Variants in CTNNA2 observed in about 807,000 individuals in gnomAD.
The protein encoded by CTNNA2 is catenin alpha 2, also known as catenin alpha-2.
CTNNA2 carries 42 observed loss-of-function variants against 101.0 expected under a neutral mutation model. The observed-to-expected ratio is 0.42, with a 90% CI of 0.32 to 0.54. The LOEUF (loss-of-function observed/expected upper bound fraction) is 0.54. Among genes scored for constraint, CTNNA2 ranks in the 20% least tolerant of loss-of-function variants. The probability of loss-of-function intolerance (pLI) is 0.14; values close to 1 mark genes in which losing one functional copy is unlikely to be tolerated. For synonymous variants in CTNNA2, 450 were observed against 456.4 expected, an observed-to-expected ratio of 0.99 and a Z score of 0.18; for missense variants, 871 against 1,223.1, an observed-to-expected ratio of 0.71 and a Z score of 4.29.
Position 80,322,303 on chromosome 2 carries a change from C to A in CTNNA2, c.1057-70908C>A, listed in dbSNP as rs532799975. ...GGTAATACAGTGTCTTCCCTAAGCCCCTCATTTTATGTAGCGTGAAAACAG... is the reference window on the plus strand; with the variant it reads ...GGTAATACAGTGTCTTCCCTAAGCCACTCATTTTATGTAGCGTGAAAACAG... On this transcript the variant is annotated intron_variant, in intron 7 of 18. Transcript: ENST00000402739. 2.6e-5 allele frequency among the ~76,000 whole-genome samples: 4 copies of A among 152,126 alleles called. No homozygotes were observed. The East Asian group carries it at 7.7e-4, about 29-fold the overall frequency.
chr2:79,883,547 C>G (rs1003876027), intron 6 of CTNNA2, among the ~76,000 whole-genome samples: 2 of 152,054 alleles, frequency 1.3e-5, no homozygotes, highest in African/African-American at 4.8e-5. Context: ...CAATTTTAAT[C>G]TAGTAAAACT....
chr2:79,739,745 C>T (rs1319215458), intron 2 of CTNNA2, among the ~76,000 whole-genome samples: 2 of 152,172 alleles, frequency 1.3e-5, no homozygotes, highest in Non-Finnish European at 2.9e-5. Flanking sequence ...GCACAGATAC[C>T]TGCAATTCCA....
intron 2 of CTNNA2, among the ~76,000 whole-genome samples, chr2:79,199,526 C>CTT (rs1055100907): frequency 6.6e-6 from 1 of 151,650 alleles, no homozygotes; most frequent in Non-Finnish European, 1.5e-5. Context: ...TTTTTTGGTT[C>CTT]TTTTCTCCCT....
chr2:80,275,430 G>C (rs1673825648), intron 7 of CTNNA2, among the ~76,000 whole-genome samples: 1 of 152,126 alleles, frequency 6.6e-6, no homozygotes, highest in Admixed American at 6.5e-5. Context: ...ATTTTAGTGA[G>C]AGGAAAAATG....
chr2:79,195,023 A>G (rs1372363123), intron 1 of CTNNA2, among the ~76,000 whole-genome samples: 1 of 152,182 alleles, frequency 6.6e-6, no homozygotes, highest in Non-Finnish European at 1.5e-5. Flanking sequence ...AATTGCCACC[A>G]CTGAGAAGGA....
chr2:79,798,601 G>A (rs1336248395), intron 3 of CTNNA2, among the ~76,000 whole-genome samples: 3 of 127,540 alleles, frequency 2.4e-5, no homozygotes, highest in African/African-American at 9.2e-5. Context: ...ACTCATTCTT[G>A]AAAGAATAGC....
chr2:79,422,958 C>T (rs1678554424), intron 4 of CTNNA2, among the ~76,000 whole-genome samples: 1 of 152,140 alleles, frequency 6.6e-6, no homozygotes, highest in South Asian at 2.1e-4. Flanking sequence ...TTCTCATAGA[C>T]TTCCAAGGTT....
chr2:80,245,914 C>T (rs1671296372), intron 7 of CTNNA2, among the ~76,000 whole-genome samples: 1 of 150,200 alleles, frequency 6.7e-6, no homozygotes. Context: ...CCTGCCTCAG[C>T]CTTCCGAGTA....
At chr2:80,578,304 A>G (rs1397803445) in intron 13 of CTNNA2, among the ~76,000 whole-genome samples, 1 of 152,160 alleles carries the variant, frequency 6.6e-6, no homozygotes, top group African/African-American at 2.4e-5. Flanking sequence ...AGCCTTCCCA[A>G]AGAGCACATA....
intron 9 of CTNNA2, among the ~76,000 whole-genome samples, chr2:80,522,491 T>C (rs1226655019): frequency 2.6e-5 from 4 of 152,310 alleles, no homozygotes; most frequent in Admixed American, 2.6e-4. Flanking sequence ...CGGTTGGAGA[T>C]ATCTTGCTGT....
chr2:80,597,783 C>T (rs1455120903), intron 15 of CTNNA2, among the ~76,000 whole-genome samples: 2 of 152,148 alleles, frequency 1.3e-5, no homozygotes, highest in Admixed American at 1.3e-4. Context: ...CATCTCATGC[C>T]AGTCAGAATG....
intron 7 of CTNNA2, among the ~76,000 whole-genome samples, chr2:79,942,536 AG>A (rs1688228715): frequency 6.6e-6 from 1 of 152,206 alleles, no homozygotes; most frequent in South Asian, 2.1e-4. Context: ...GAATCCTAAA[AG>A]TTTGGCTCTA....
intron 7 of CTNNA2, among the ~76,000 whole-genome samples, chr2:80,388,881 G>A (rs940888611): frequency 6.6e-6 from 1 of 152,218 alleles, no homozygotes; most frequent in African/African-American, 2.4e-5. Flanking sequence ...TGCTTGTGAT[G>A]ATCAAATCCT....
chr2:80,375,915 T>A (rs962641501), intron 7 of CTNNA2, among the ~76,000 whole-genome samples: 3 of 152,098 alleles, frequency 2.0e-5, no homozygotes, highest in South Asian at 2.1e-4. Flanking sequence ...TCACTTTTGA[T>A]TCCTGGTTTC....
At chr2:79,869,561 A>G (rs1336030551) in intron 4 of CTNNA2, among the ~76,000 whole-genome samples, 1 of 152,224 alleles carries the variant, frequency 6.6e-6, no homozygotes, top group South Asian at 2.1e-4. Context: ...CTTTAATAAA[A>G]TATAATAAAC....
chr2:80,208,546 C>A (rs999881343), intron 7 of CTNNA2, among the ~76,000 whole-genome samples: 1 of 152,090 alleles, frequency 6.6e-6, no homozygotes, highest in African/African-American at 2.4e-5. Flanking sequence ...TGAGGTAAAC[C>A]TGCTGCCTTT....
intron 3 of CTNNA2, among the ~76,000 whole-genome samples, chr2:79,770,514 T>C (rs188501214): frequency 6.6e-6 from 1 of 152,334 alleles, no homozygotes; most frequent in Non-Finnish European, 1.5e-5. Flanking sequence ...ACACTAAAGA[T>C]GAACAGGCAT....
chr2:80,271,546 C>T (rs1394820734), intron 7 of CTNNA2, among the ~76,000 whole-genome samples: 1 of 152,042 alleles, frequency 6.6e-6, no homozygotes, highest in East Asian at 1.9e-4. Flanking sequence ...CTCAGCCTCC[C>T]GAGTAGCTGG....
chr2:79,221,491 A>G (rs972966473), intron 2 of CTNNA2, among the ~76,000 whole-genome samples: 8 of 152,190 alleles, frequency 5.3e-5, no homozygotes, highest in Non-Finnish European at 7.3e-5. Flanking sequence ...CTAAGGGTAT[A>G]CTTGCAGTTG....
Sources: gnomAD v4.1 joint callset for allele counts (sites outside exome capture counted in the v4.1 genomes callset) on GRCh38, gnomAD v4.1.1 for gene constraint, MANE v1.5 for transcripts, NCBI Gene and HGNC (gene_info 2026-07-23, HGNC 2026-07-21) for gene names.